Variants in GBE1 observed in about 807,000 individuals in gnomAD.
GBE1 encodes the protein 1,4-alpha-glucan branching enzyme 1, also known as 1,4-alpha-glucan-branching enzyme.
GBE1 carries 70 observed loss-of-function variants against 88.8 expected under a neutral mutation model. The observed-to-expected ratio is 0.79, with a 90% CI of 0.65 to 0.96. The LOEUF (loss-of-function observed/expected upper bound fraction) is 0.96, where lower values mean the gene tolerates loss of function less well. GBE1 is among the 40% of genes least tolerant of loss of function. The pLI is 0.00. For synonymous variants in GBE1, 284 were observed against 300.1 expected, an observed-to-expected ratio of 0.95 and a Z score of 0.56; for missense variants, 872 against 871.0, an observed-to-expected ratio of 1.00 and a Z score of -0.01.
chr3:81,561,384 C>A (rs2106909851), intron 12 of GBE1, among the ~76,000 whole-genome samples: 1 of 152,132 alleles, frequency 6.6e-6, no homozygotes, highest in African/African-American at 2.4e-5. Flanking sequence ...AACAGTATTT[C>A]ATTTTGTACA....
chr3:81,682,962 C>A (rs1007783262), intron 2 of GBE1, among the ~76,000 whole-genome samples: 12 of 152,134 alleles, frequency 7.9e-5, no homozygotes, highest in Admixed American at 7.8e-4. Context: ...GAACCTTGTA[C>A]ACATGCTAAG....
At chr3:81,599,525 A>C (rs1230699856) in intron 7 of GBE1, among the ~76,000 whole-genome samples, 1 of 152,220 alleles carries the variant, frequency 6.6e-6, no homozygotes, top group Non-Finnish European at 1.5e-5. Flanking sequence ...CCTAGGCTAC[A>C]AACCTGTATA....
intron 7 of GBE1, among the ~76,000 whole-genome samples, chr3:81,614,934 T>C (rs1704229027): frequency 6.6e-6 from 1 of 151,520 alleles, no homozygotes; most frequent in Admixed American, 6.6e-5. Context: ...GAGGCTGAGG[T>C]GGGAGAATCG....
chr3:81,537,552 A>T (rs1344898606), intron 12 of GBE1, among the ~76,000 whole-genome samples: 1 of 152,028 alleles, frequency 6.6e-6, no homozygotes, highest in Non-Finnish European at 1.5e-5. Flanking sequence ...CATTTCACAG[A>T]TGAGAAATCC....
intron 10 of GBE1, among the ~76,000 whole-genome samples, chr3:81,583,012 G>C (rs1250993119): frequency 6.6e-6 from 1 of 151,806 alleles, no homozygotes; most frequent in Non-Finnish European, 1.5e-5. Context: ...AATATATAAA[G>C]AACCCTCAAA....
chr3:81,532,621 T>C (rs971167622), intron 14 of GBE1, among the ~76,000 whole-genome samples: 1 of 152,096 alleles, frequency 6.6e-6, no homozygotes, highest in African/African-American at 2.4e-5. Context: ...GAACTTTTAC[T>C]AAAGCCTACA....
intron 2 of GBE1, among the ~76,000 whole-genome samples, chr3:81,699,530 T>C (rs1190492096): frequency 6.6e-6 from 1 of 152,038 alleles, no homozygotes; most frequent in African/African-American, 2.4e-5. Context: ...AATGGCAAGG[T>C]TCCACAATAG....
intron 12 of GBE1, among the ~76,000 whole-genome samples, chr3:81,571,817 C>A (rs1703578740): frequency 6.6e-6 from 1 of 151,952 alleles, no homozygotes; most frequent in African/African-American, 2.4e-5. Context: ...GGGTGGAAAA[C>A]AAAACAACTT....
At chr3:81,547,639 C>T (rs1373069353) in intron 12 of GBE1, among the ~76,000 whole-genome samples, 1 of 133,226 alleles carries the variant, frequency 7.5e-6, no homozygotes, top group Admixed American at 7.1e-5. Flanking sequence ...CTCTCTCTCT[C>T]TCTCTCTCTC....
At chr3:81,630,739 C>G (rs1411532166) in intron 7 of GBE1, among the ~76,000 whole-genome samples, 1 of 152,132 alleles carries the variant, frequency 6.6e-6, no homozygotes, top group South Asian at 2.1e-4. Flanking sequence ...CGTCAAATAC[C>G]TTGTTTCTCA....
intron 14 of GBE1, among the ~76,000 whole-genome samples, chr3:81,515,477 C>T (rs886101747): frequency 3.3e-5 from 5 of 151,440 alleles, no homozygotes; most frequent in African/African-American, 1.2e-4. Context: ...CTGGCCGTTC[C>T]CTTGTCTCTT....
intron 2 of GBE1, among the ~76,000 whole-genome samples, chr3:81,676,241 C>A (rs1199748463): frequency 6.6e-6 from 1 of 151,892 alleles, no homozygotes; most frequent in Non-Finnish European, 1.5e-5. Flanking sequence ...CACGCCTAGC[C>A]CCCACAGTGT....
chr3:81,743,613 C>T lies in GBE1; in HGVS notation c.143+17762G>A, dbSNP rs751312099. On this transcript the variant is annotated intron_variant, in intron 1 of 15. Coordinates refer to ENST00000429644, the MANE Select transcript of GBE1 (RefSeq NM_000158.4). Reference sequence around the variant, plus strand: ...GTTAGAAACAGCTGTTAATCTGGGCCGAATCCAAGTGAAATTGGAACATCC... The same window carrying T: ...GTTAGAAACAGCTGTTAATCTGGGCTGAATCCAAGTGAAATTGGAACATCC... The T allele has an allele frequency of 7.2e-6, 11 of 1,534,358 alleles. No individual in the cohort carries two copies. In the Middle Eastern group the frequency reaches 5.0e-4, roughly 70 times the overall value.
At chr3:81,504,470 A>C (rs1270018203) in intron 14 of GBE1, among the ~76,000 whole-genome samples, 1 of 137,700 alleles carries the variant, frequency 7.3e-6, no homozygotes, top group African/African-American at 2.4e-5. Context: ...CAACTGGAAA[A>C]AAATACAGTG....
At chr3:81,676,212 T>C (rs1705249722) in intron 2 of GBE1, among the ~76,000 whole-genome samples, 2 of 152,060 alleles carry the variant, frequency 1.3e-5, no homozygotes, top group African/African-American at 2.4e-5. Flanking sequence ...CTCAAACTTT[T>C]GAGTATGTGG....
At chr3:81,569,785 A>G (rs1371233078) in intron 12 of GBE1, among the ~76,000 whole-genome samples, 1 of 152,138 alleles carries the variant, frequency 6.6e-6, no homozygotes, top group Non-Finnish European at 1.5e-5. Flanking sequence ...TAATAAAGAA[A>G]ATAATTGCCA....
intron 12 of GBE1, among the ~76,000 whole-genome samples, chr3:81,549,261 C>T (rs1460880801): frequency 6.6e-6 from 1 of 151,282 alleles, no homozygotes; most frequent in African/African-American, 2.4e-5. Flanking sequence ...AACTCCTGAC[C>T]TTGTGATTCA....
intron 1 of GBE1, among the ~76,000 whole-genome samples, chr3:81,730,113 C>T (rs1202977356): frequency 6.6e-6 from 1 of 151,966 alleles, no homozygotes; most frequent in Non-Finnish European, 1.5e-5. Flanking sequence ...CACAACAGGG[C>T]CTGTGACCAG....
intron 14 of GBE1, among the ~76,000 whole-genome samples, chr3:81,500,874 T>A (rs1702577255): frequency 6.6e-6 from 1 of 152,214 alleles, no homozygotes; most frequent in South Asian, 2.1e-4. Flanking sequence ...ACTCAATGTT[T>A]AGCTCACACT....
Sources: allele counts gnomAD v4.1 joint callset (sites outside exome capture counted in the v4.1 genomes callset), GRCh38; gene constraint gnomAD v4.1.1; transcripts MANE v1.5; gene names NCBI Gene and HGNC (gene_info 2026-07-23, HGNC 2026-07-21).